PPM1H: variants seen among roughly 807,000 people sequenced by gnomAD.
PPM1H encodes the protein protein phosphatase 1H.
A neutral mutation model predicts 54.9 loss-of-function variants in PPM1H; 27 were observed. The ratio of observed to expected loss-of-function variants is 0.49; its 90% CI spans 0.36 to 0.68. The LOEUF (loss-of-function observed/expected upper bound fraction) is 0.68. Ranked by LOEUF, PPM1H falls within the 30% of genes least tolerant of loss-of-function variation. The probability of loss-of-function intolerance (pLI) is 0.00; values close to 1 mark genes in which losing one functional copy is unlikely to be tolerated. For missense variants in PPM1H, 596 were observed against 667.8 expected (o/e 0.89, Z 1.19); for synonymous variants, 305 against 270.8 (o/e 1.13, Z -1.24).
chr12:62,672,623 A>G (rs1179606950), intron 8 of PPM1H, among the ~76,000 whole-genome samples: 1 of 152,208 alleles, frequency 6.6e-6, no homozygotes, highest in Non-Finnish European at 1.5e-5. Flanking sequence ...AAACTGTAAC[A>G]GACGATCAAC....
At chr12:62,893,386 T>C (rs1870868477) in intron 1 of PPM1H, among the ~76,000 whole-genome samples, 1 of 152,204 alleles carries the variant, frequency 6.6e-6, no homozygotes, top group African/African-American at 2.4e-5. Flanking sequence ...CATGTCTGTG[T>C]ACTAATCTCC....
chr12:62,754,714 G>GACTTTA (rs2076460730), intron 4 of PPM1H, among the ~76,000 whole-genome samples: 2 of 152,202 alleles, frequency 1.3e-5, no homozygotes, highest in Admixed American at 6.6e-5. Context: ...TCCTTGTCCA[G>GACTTTA]CTAAAAGAAA....
At chr12:62,711,649 G>A (rs1316822962) in intron 6 of PPM1H, among the ~76,000 whole-genome samples, 1 of 152,138 alleles carries the variant, frequency 6.6e-6, no homozygotes, top group Non-Finnish European at 1.5e-5. Flanking sequence ...AAGCGTATGT[G>A]GATAATAGAT....
Position 62,889,502 on chromosome 12 carries a change from A to T in PPM1H, c.245+44990T>A, listed in dbSNP as rs945554723. ...CAAGATCCTGTCTCTAAAAAAATTT[A>T]AAAAATATATATATAAAAATATAAT... On this transcript the variant is annotated intron_variant, in intron 1 of 9. Transcript: ENST00000228705. 2.8e-4 allele frequency among the ~76,000 whole-genome samples: 43 copies of T among 152,086 alleles called. 2 individuals are homozygous for T. The highest frequency in any genetic ancestry group is 2.6e-4 in the Non-Finnish European group (18 of 67,978).
At chr12:62,895,862 C>T (rs1472363449) in intron 1 of PPM1H, among the ~76,000 whole-genome samples, 4 of 152,128 alleles carry the variant, frequency 2.6e-5, no homozygotes, top group Admixed American at 2.6e-4. Context: ...GCTTCTTGTA[C>T]AGCCTGCAGA....
At chr12:62,817,117 AAAAAAAAAAAAAAAAAAAAG>A (rs1283779881) in intron 2 of PPM1H, among the ~76,000 whole-genome samples, 108 of 83,898 alleles carry the variant, frequency 1.3e-3, no homozygotes, top group South Asian at 2.4e-3. Flanking sequence ...CTGCATTACT[AAAAAAAAAAAAAAAAAAAAG>A]AAAAAAAAAA....
chr12:62,796,720 T>C (rs552414824), intron 3 of PPM1H, among the ~76,000 whole-genome samples: 17 of 152,202 alleles, frequency 1.1e-4, no homozygotes, highest in Non-Finnish European at 2.5e-4. Flanking sequence ...AACTCACCCT[T>C]CAGCCCTTCT....
chr12:62,841,874 G>C (rs115899819), intron 1 of PPM1H, among the ~76,000 whole-genome samples: 2,023 of 152,210 alleles, frequency 0.013, 47 homozygotes, highest in African/African-American at 0.047. Context: ...AAATATCAGC[G>C]TTTTCTTCTT....
At chr12:62,872,243 C>T (rs1340435012) in intron 1 of PPM1H, among the ~76,000 whole-genome samples, 1 of 152,170 alleles carries the variant, frequency 6.6e-6, no homozygotes, top group African/African-American at 2.4e-5. Context: ...TTGACAGCAT[C>T]GTGAGAGTAC....
chr12:62,792,486 G>C (rs1307172062), intron 3 of PPM1H, among the ~76,000 whole-genome samples: 1 of 152,156 alleles, frequency 6.6e-6, no homozygotes, highest in Non-Finnish European at 1.5e-5. Flanking sequence ...GCATGCGTTT[G>C]CCACTTCCCT....
chr12:62,700,277 G>A (rs1294487991), intron 6 of PPM1H, among the ~76,000 whole-genome samples: 1 of 151,980 alleles, frequency 6.6e-6, no homozygotes, highest in African/African-American at 2.4e-5. Flanking sequence ...CATGTGGCCT[G>A]CAGCAAGAAC....
chr12:62,788,400 T>C, intron 3 of PPM1H, 62 bp from the exon 4 acceptor site: 1 of 1,040,400 alleles, frequency 9.6e-7, no homozygotes, highest in Non-Finnish European at 1.5e-6. Flanking sequence ...GCTTTCTCAC[T>C]TTCATTCTCT....
At chr12:62,792,309 C>T (rs1166544273) in intron 3 of PPM1H, among the ~76,000 whole-genome samples, 1 of 152,184 alleles carries the variant, frequency 6.6e-6, no homozygotes, top group African/African-American at 2.4e-5. Flanking sequence ...AATAGTGTGA[C>T]TCAATATTTT....
At position 62,667,346 on chromosome 12, in the gene PPM1H, A is replaced by C. The variant is rs1193434338; in HGVS notation, c.1246-17T>G. On this transcript the variant is annotated splice_polypyrimidine_tract_variant and intron_variant, in intron 8 of 9. Coordinates refer to ENST00000228705, the MANE Select transcript of PPM1H (RefSeq NM_020700.2). Reference sequence around the variant, plus strand: ...GATTCTTACCTGAAAAAAAACAAGAATACTACCACTTAAGAAATTGGAAGC... The same window carrying C: ...GATTCTTACCTGAAAAAAAACAAGACTACTACCACTTAAGAAATTGGAAGC... 4 of 1,540,116 alleles carry C rather than the reference A, an allele frequency of 2.6e-6. No homozygotes were observed. The highest frequency in any genetic ancestry group is 2.3e-5 in the East Asian group (1 of 43,658).
chr12:62,704,786 G>C (rs1319700315), intron 6 of PPM1H, among the ~76,000 whole-genome samples: 1 of 152,092 alleles, frequency 6.6e-6, no homozygotes. Context: ...CTCCATAATG[G>C]GGCCCAAGCT....
chr12:62,649,050 G>GAGTT (rs2075801649), intron 9 of PPM1H, among the ~76,000 whole-genome samples: 1 of 152,220 alleles, frequency 6.6e-6, no homozygotes, highest in Admixed American at 6.5e-5. Flanking sequence ...TTTAGTTTTA[G>GAGTT]AGTTATATTG....
In PPM1H at chr12:62,822,695, C is replaced by T. The variant is rs143698354; in HGVS notation, c.411+9419G>A. Among the ~76,000 whole-genome samples, 252 of 152,132 alleles carry T rather than the reference C, an allele frequency of 1.7e-3. 4 individuals carry two copies. Among genetic ancestry groups the T allele is most frequent in the East Asian group, 7.3e-3 (38 of 5,176 alleles). ...AAATAAAGATGTTCTTTGAAACCAA[C>T]GAGAACAAAGACACAACGTACCAGA... On this transcript the variant is annotated intron_variant, in intron 2 of 9. Transcript: ENST00000228705.
At chr12:62,683,041 TATTATTA>T (rs2076030348) in intron 8 of PPM1H, among the ~76,000 whole-genome samples, 6 of 57,582 alleles carry the variant, frequency 1.0e-4, no homozygotes, top group Admixed American at 8.5e-4. Context: ...TATTTATTAT[TATTATTA>T]TTATTATTAT....
intron 3 of PPM1H, 45 bp downstream of exon 3, chr12:62,801,771 G>A: frequency 6.3e-7 from 1 of 1,597,936 alleles, no homozygotes; most frequent in Non-Finnish European, 8.6e-7. Context: ...ACCTGGCGCA[G>A]GCGCCAGCCT....
Sources: gnomAD v4.1 joint callset for allele counts (sites outside exome capture counted in the v4.1 genomes callset) on GRCh38, gnomAD v4.1.1 for gene constraint, MANE v1.5 for transcripts, NCBI Gene and HGNC (gene_info 2026-07-23, HGNC 2026-07-21) for gene names.